The following TSPAN12 variants were observed in gnomAD, a reference collection of about 807,000 sequenced individuals.
The protein encoded by TSPAN12 is tetraspanin-12.
TSPAN12 carries 19 observed loss-of-function variants against 39.2 expected under a neutral mutation model. The observed-to-expected ratio is 0.49, with a 90% CI of 0.34 to 0.71. The LOEUF is 0.71. TSPAN12 is among the 30% of genes least tolerant of loss of function. TSPAN12 has a pLI of 0.01. For synonymous variants in TSPAN12, 119 were observed against 124.8 expected (o/e 0.95, Z 0.31); for missense variants, 314 against 359.9 (o/e 0.87, Z 1.03).
chr7:120,830,529 A>G (rs1250072671), intron 4 of TSPAN12, among the ~76,000 whole-genome samples: 13 of 152,116 alleles, frequency 8.5e-5, no homozygotes, highest in African/African-American at 2.7e-4. Context: ...TTTGACAAAG[A>G]TGCCAATAAC....
At chr7:120,842,850 T>G (rs899206561) in intron 2 of TSPAN12, among the ~76,000 whole-genome samples, 3 of 151,716 alleles carry the variant, frequency 2.0e-5, no homozygotes, top group Non-Finnish European at 4.4e-5. Flanking sequence ...AATAGTAATA[T>G]TATATTAATT....
chr7:120,800,292 G>A lies in TSPAN12; in HGVS notation c.612+6257C>T, dbSNP rs143239569. Among the ~76,000 whole-genome samples, 19 of 152,156 alleles carry A rather than the reference G, an allele frequency of 1.2e-4. No homozygotes were observed. In the East Asian group the frequency reaches 2.9e-3, roughly 23 times the overall value. On this transcript the variant is annotated intron_variant, in intron 7 of 7. Coordinates refer to ENST00000222747, the MANE Select transcript of TSPAN12 (RefSeq NM_012338.4). ...TACCACTGATACAGTTTCTCTCCAT[G>A]ACCAAACTCTGTTCAGGCTCCACTG... is the stretch of plus-strand genomic sequence containing the variant.
At chr7:120,833,823 A>G (rs1200575897) in intron 4 of TSPAN12, among the ~76,000 whole-genome samples, 1 of 152,144 alleles carries the variant, frequency 6.6e-6, no homozygotes, top group Admixed American at 6.6e-5. Flanking sequence ...CCTAATGCCT[A>G]TGTTAATAGC....
rs182626886 is a variant in TSPAN12, at chr7:120,787,594, C to T, written c.*998G>A. 98 of 152,460 alleles carry T rather than the reference C, an allele frequency of 6.4e-4. No homozygotes were observed. Among genetic ancestry groups the T allele is most frequent in the Non-Finnish European group, 2.4e-4 (16 of 67,980 alleles). 9.4% of individuals were successfully genotyped at this position (152,460 alleles called of 1,614,324 possible). A position where few individuals can be genotyped will look rare whatever the true frequency, so the allele number is the denominator to read the frequency against. On this transcript the variant is annotated 3_prime_UTR_variant, in exon 8 of 8. Transcript: ENST00000222747. ...CTATTTTCTGTAGAATTTATATTGACTTGGAGACTATTGCTTCTTGTTTGG... is the reference window on the plus strand; with the variant it reads ...CTATTTTCTGTAGAATTTATATTGATTTGGAGACTATTGCTTCTTGTTTGG...
intron 7 of TSPAN12, among the ~76,000 whole-genome samples, chr7:120,798,708 C>A (rs1793681749): frequency 6.6e-6 from 1 of 152,196 alleles, no homozygotes; most frequent in South Asian, 2.1e-4. Flanking sequence ...AATCCAATCC[C>A]TGCCTTCGGT....
chr7:120,801,959 C>G (rs1436162232), intron 7 of TSPAN12, among the ~76,000 whole-genome samples: 1 of 152,096 alleles, frequency 6.6e-6, no homozygotes, highest in Non-Finnish European at 1.5e-5. Flanking sequence ...GAAGTCCATC[C>G]AAGAAGAGCC....
chr7:120,821,443 G>A (rs1010514108), intron 4 of TSPAN12, among the ~76,000 whole-genome samples: 5 of 146,738 alleles, frequency 3.4e-5, no homozygotes, highest in African/African-American at 1.0e-4. Context: ...AAAAAAAAAA[G>A]CTGTAAAAAT....
intron 4 of TSPAN12, among the ~76,000 whole-genome samples, chr7:120,821,307 A>AT (rs572562522): frequency 7.2e-5 from 11 of 152,162 alleles, no homozygotes; most frequent in South Asian, 6.2e-4. Flanking sequence ...TCAATCAGAG[A>AT]TTTTTTTCAC....
chr7:120,808,729 T>C (rs1227274893), intron 6 of TSPAN12, among the ~76,000 whole-genome samples: 1 of 152,268 alleles, frequency 6.6e-6, no homozygotes, highest in African/African-American at 2.4e-5. Flanking sequence ...GGTATGTGCA[T>C]AGAATTGCAC....
chr7:120,856,721 A>G lies in TSPAN12; in HGVS notation c.43T>C (p.Tyr15His). 1 of 1,614,230 alleles carries G rather than the reference A, an allele frequency of 6.2e-7. No individual in the cohort carries two copies. The highest frequency in any genetic ancestry group is 8.5e-7 in the Non-Finnish European group (1 of 1,180,032). The change falls in exon 2 of 8, where the codon TAC becomes CAC. Residue 15 changes from tyrosine to histidine, a missense_variant. Coordinates refer to ENST00000222747, the MANE Select transcript of TSPAN12 (RefSeq NM_012338.4). ...ACCCAAAAGAGCAGATTGAGGGCGT[A>G]GAGCAGGCAGCGCAGACACTTCACG... ...DSVKCLRCLL[Y>H]ALNLLFWLMS...
intron 2 of TSPAN12, among the ~76,000 whole-genome samples, chr7:120,855,677 G>A (rs1008609324): frequency 6.6e-6 from 1 of 152,124 alleles, no homozygotes; most frequent in African/African-American, 2.4e-5. Flanking sequence ...ATTACTCACT[G>A]AAGTAAGACT....
At chr7:120,836,935 A>T (rs1412149822) in intron 4 of TSPAN12, among the ~76,000 whole-genome samples, 1 of 152,176 alleles carries the variant, frequency 6.6e-6, no homozygotes, top group Non-Finnish European at 1.5e-5. Flanking sequence ...GAAATACCTG[A>T]CCCTACTTGC....
At chr7:120,832,259 C>T (rs1045412590) in intron 4 of TSPAN12, among the ~76,000 whole-genome samples, 8 of 152,174 alleles carry the variant, frequency 5.3e-5, no homozygotes, top group Admixed American at 2.0e-4. Flanking sequence ...TATTGTCTCC[C>T]GCTTAAATGT....
At chr7:120,806,855 G>T (rs567055202) in intron 6 of TSPAN12, among the ~76,000 whole-genome samples, 163 bp from the exon 7 acceptor site, 173 of 152,124 alleles carry the variant, frequency 1.1e-3, no homozygotes, top group African/African-American at 4.0e-3. Flanking sequence ...TGTAGTAAAG[G>T]AACACCATGG....
chr7:120,789,663 ATTAT>A, intron 7 of TSPAN12, among the ~76,000 whole-genome samples: 1 of 152,344 alleles, frequency 6.6e-6, no homozygotes, highest in East Asian at 1.9e-4. Flanking sequence ...GGAGATAGAA[ATTAT>A]TTAGGCAGAT....
At chr7:120,790,727 T>C (rs1296156379) in intron 7 of TSPAN12, among the ~76,000 whole-genome samples, 2 of 152,204 alleles carry the variant, frequency 1.3e-5, no homozygotes, top group African/African-American at 4.8e-5. Context: ...AGCTTCCTGA[T>C]GAAGCAGAGA....
intron 4 of TSPAN12, among the ~76,000 whole-genome samples, chr7:120,821,366 C>T (rs900494228): frequency 6.6e-6 from 1 of 151,370 alleles, no homozygotes; most frequent in African/African-American, 2.4e-5. Context: ...AAGATGAGTG[C>T]CTTCATATTT....
chr7:120,840,149 C>A, intron 2 of TSPAN12, 40 bp from the exon 3 acceptor site: 1 of 1,421,736 alleles, frequency 7.0e-7, no homozygotes, highest in Non-Finnish European at 1.0e-6. Context: ...CAAAGATTTA[C>A]GTAACATTCA....
chr7:120,846,025 G>C (rs1396630946), intron 2 of TSPAN12, among the ~76,000 whole-genome samples: 1 of 152,156 alleles, frequency 6.6e-6, no homozygotes, highest in Non-Finnish European at 1.5e-5. Context: ...AGGAAGCATG[G>C]CTGGGGAGGC....
Sources: allele counts gnomAD v4.1 joint callset (sites outside exome capture counted in the v4.1 genomes callset), GRCh38; gene constraint gnomAD v4.1.1; transcripts MANE v1.5; gene names NCBI Gene and HGNC (gene_info 2026-07-23, HGNC 2026-07-21).